PCDHGB2: variants seen among roughly 807,000 people sequenced by gnomAD.
PCDHGB2 encodes protocadherin gamma subfamily B, 2.
Under a neutral mutation model 59.3 loss-of-function variants are expected in PCDHGB2, and 55 were observed. That is an observed-to-expected ratio of 0.93 (90% confidence interval 0.75 to 1.16). The LOEUF (loss-of-function observed/expected upper bound fraction) is 1.16, where lower values mean the gene tolerates loss of function less well. Ranked by LOEUF, PCDHGB2 falls within the 50% of genes most tolerant of loss-of-function variation. The pLI, the probability that PCDHGB2 is intolerant of heterozygous loss-of-function variation, is 0.00. For missense variants in PCDHGB2, 1,228 were observed against 1,198.5 expected (o/e 1.02, Z -0.36); for synonymous variants, 516 against 512.0 (o/e 1.01, Z -0.11).
Position 141,365,890 on chromosome 5 carries a change from C to T in PCDHGB2, c.2421+3334C>T, listed in dbSNP as rs780121604. On this transcript the variant is annotated intron_variant, in intron 1 of 3. Transcript: ENST00000522605. ...GTGTCCTGTATGCTCTGAGATCCTT[C>T]GACTATGAGCAGTTGAGAGACCTAC... The T allele has an allele frequency of 3.1e-6, 5 of 1,614,140 alleles. No individual in the cohort carries two copies. The Admixed American group carries it at 6.7e-5, about 22-fold the overall frequency.
chr5:141,487,438 G>A lies in PCDHGB2; in HGVS notation c.2422-7369G>A, dbSNP rs2154580826. 6 of 1,614,174 alleles carry A rather than the reference G, an allele frequency of 3.7e-6. No individual in the cohort carries two copies. Among genetic ancestry groups the A allele is most frequent in the East Asian group, 2.2e-5 (1 of 44,866 alleles). On this transcript the variant is annotated intron_variant, in intron 1 of 3. Transcript: ENST00000522605. This position sits in a 1 kb window ranked among gnomAD's most constrained non-coding sequence, Gnocchi z 5.0. The stretch of plus-strand genomic sequence containing the variant: ...ATGGGATCCTCCGAATCCAGCTAGG[G>A]TCAGATGACCCTATCAAGTTTGTTG...
intron 1 of PCDHGB2, among the ~76,000 whole-genome samples, chr5:141,484,184 AG>A (rs1328674334): frequency 6.6e-6 from 1 of 152,244 alleles, no homozygotes; most frequent in Non-Finnish European, 1.5e-5. Flanking sequence ...CAATCATTCA[AG>A]GAAGCTATTA....
intron 1 of PCDHGB2, among the ~76,000 whole-genome samples, chr5:141,455,445 C>T (rs1175054167): frequency 6.6e-6 from 1 of 152,134 alleles, no homozygotes; most frequent in Non-Finnish European, 1.5e-5. Context: ...TCCCCATCTA[C>T]CGCGGATACC....
intron 1 of PCDHGB2, among the ~76,000 whole-genome samples, chr5:141,380,761 A>G (rs952416806): frequency 6.6e-6 from 1 of 152,224 alleles, no homozygotes; most frequent in African/African-American, 2.4e-5. Flanking sequence ...GACACTATAA[A>G]TTAATTGAGA....
chr5:141,466,933 C>A (rs1305734739), intron 1 of PCDHGB2, among the ~76,000 whole-genome samples: 1 of 152,100 alleles, frequency 6.6e-6, no homozygotes, highest in Non-Finnish European at 1.5e-5. Context: ...GAATATTAGT[C>A]CTTTGTCCAG....
At chr5:141,388,764 T>A in intron 1 of PCDHGB2, 1 of 1,613,990 alleles carries the variant, frequency 6.2e-7, no homozygotes. Flanking sequence ...TGACCTGAAC[T>A]CTAACACCGG....
chr5:141,418,589 C>G lies in PCDHGB2; in HGVS notation c.2421+56033C>G, dbSNP rs184213052. ...CAATGACAACCCCCCAGTGTTCAGC[C>G]AGGACGTGTACAGGGTTAGCCTTCG... On this transcript the variant is annotated intron_variant, in intron 1 of 3. Transcript: ENST00000522605. 5.5e-4 allele frequency: 884 copies of G among 1,614,012 alleles called. 4 individuals carry two copies. Among genetic ancestry groups the G allele is most frequent in the South Asian group, 4.0e-3 (361 of 91,086 alleles).
chr5:141,393,086 T>C (rs533530561), intron 1 of PCDHGB2: 1 of 1,613,614 alleles, frequency 6.2e-7, no homozygotes, highest in Non-Finnish European at 8.5e-7. Flanking sequence ...GCAGGATAGA[T>C]CGGGAGGAGC....
chr5:141,498,807 C>T (rs113587634), intron 2 of PCDHGB2, among the ~76,000 whole-genome samples: 5,552 of 152,138 alleles, frequency 0.036, 136 homozygotes, highest in South Asian at 0.073. Context: ...GTGGTGCACA[C>T]CTGTAGTCCC....
intron 3 of PCDHGB2, 110 bp downstream of exon 3, chr5:141,505,591 G>T: frequency 6.4e-7 from 1 of 1,570,280 alleles, no homozygotes; most frequent in Non-Finnish European, 8.7e-7. Flanking sequence ...AGTTTCTCCA[G>T]ATCTTTCGGC....
chr5:141,476,016 G>A lies in PCDHGB2; in HGVS notation c.2422-18791G>A. 7.4e-7 allele frequency: 1 copy of A among 1,359,386 alleles called. No individual in the cohort carries two copies. 84.2% of individuals were successfully genotyped at this position (1,359,386 alleles called of 1,614,324 possible). A position where few individuals can be genotyped will look rare whatever the true frequency, so the allele number is the denominator to read the frequency against. On this transcript the variant is annotated intron_variant, in intron 1 of 3. Coordinates refer to ENST00000522605, the MANE Select transcript of PCDHGB2 (RefSeq NM_018923.3). This position sits in a 1 kb window ranked among gnomAD's most constrained non-coding sequence, Gnocchi z 7.6. ...TCAACGGCATCCAGAAAGCCATGTC[G>A]GACTCGGCGCCCAGCGCCCAAGCGC...
At chr5:141,456,306 G>C (rs937409031) in intron 1 of PCDHGB2, among the ~76,000 whole-genome samples, 1 of 152,158 alleles carries the variant, frequency 6.6e-6, no homozygotes, top group Non-Finnish European at 1.5e-5. Context: ...GAGAACAGCA[G>C]CTAGGGCTCC....
At chr5:141,366,046 C>T in intron 1 of PCDHGB2, 1 of 1,614,240 alleles carries the variant, frequency 6.2e-7, no homozygotes, top group Non-Finnish European at 8.5e-7. Context: ...CAGACGGTTC[C>T]ACGGGCGTGG....
intron 1 of PCDHGB2, chr5:141,387,860 G>T: frequency 6.3e-7 from 1 of 1,593,236 alleles, no homozygotes; most frequent in Non-Finnish European, 8.5e-7. Flanking sequence ...CCAGGCTGGT[G>T]AGCAAGCTGA....
chr5:141,461,124 A>G (rs992107268), intron 1 of PCDHGB2, among the ~76,000 whole-genome samples: 1 of 151,978 alleles, frequency 6.6e-6, no homozygotes, highest in Admixed American at 6.6e-5. Context: ...TTTTTCATAT[A>G]ATTACTTATT....
chr5:141,441,162 G>A (rs1009205566), intron 1 of PCDHGB2: 48 of 152,166 alleles, frequency 3.2e-4, no homozygotes, highest in Admixed American at 1.5e-3. Flanking sequence ...TCCTAGAGGC[G>A]ATTTTTACTT....
intron 1 of PCDHGB2, chr5:141,415,466 C>T (rs1187128064): frequency 6.2e-7 from 1 of 1,614,224 alleles, no homozygotes. Flanking sequence ...GTCTCTCTCA[C>T]CGCGGACTCG....
chr5:141,361,032 A>G lies in PCDHGB2; in HGVS notation c.897A>G (p.Gly299=). The change falls in exon 1 of 4, where the codon GGA becomes GGG. Residue 299 remains glycine, a synonymous_variant. Transcript: ENST00000522605. ...TTTTCAACTTAAATGAAAAAACAGG[A>G]GAAATCACGACAAAGGATGATTTGG... ...KHFFNLNEKT[G]EITTKDDLDF... The G allele has an allele frequency of 6.2e-7, 1 of 1,613,436 alleles. No individual in the cohort carries two copies.
At chr5:141,483,187 GTTT>G (rs899657161) in intron 1 of PCDHGB2, among the ~76,000 whole-genome samples, 2 of 152,172 alleles carry the variant, frequency 1.3e-5, no homozygotes, top group African/African-American at 4.8e-5. Flanking sequence ...AAGCCAAGGA[GTTT>G]TTATTTTATT....
Sources: allele counts gnomAD v4.1 joint callset (sites outside exome capture counted in the v4.1 genomes callset), GRCh38; gene constraint gnomAD v4.1.1; non-coding constraint Gnocchi (gnomAD v3.1); transcripts MANE v1.5; gene names NCBI Gene and HGNC (gene_info 2026-07-23, HGNC 2026-07-21).